The following GRK7 variants were observed in gnomAD, a reference collection of about 807,000 sequenced individuals.
GRK7 encodes G protein-coupled receptor kinase 7, also known as rhodopsin kinase GRK7.
In GRK7, 24 loss-of-function variants were observed where a neutral mutation model predicts 34.1. The ratio of observed to expected loss-of-function variants is 0.70; its 90% CI spans 0.51 to 0.99. GRK7 has a LOEUF of 0.99. Among genes scored for constraint, GRK7 ranks in the 50% least tolerant of loss-of-function variants. GRK7 has a pLI of 0.00. For synonymous variants in GRK7, 256 were observed against 279.4 expected, an observed-to-expected ratio of 0.92 and a Z score of 0.84; for missense variants, 644 against 707.3, an observed-to-expected ratio of 0.91 and a Z score of 1.02.
At chr3:141,804,504 G>T in intron 4 of GRK7, among the ~76,000 whole-genome samples, 1 of 151,908 alleles carries the variant, frequency 6.6e-6, no homozygotes, top group East Asian at 1.9e-4. Flanking sequence ...TATTCAGCCA[G>T]CTGTGGCTCT....
chr3:141,773,248 T>G (rs2084624435), intron 1 of GRK7, among the ~76,000 whole-genome samples: 1 of 152,096 alleles, frequency 6.6e-6, no homozygotes, highest in Non-Finnish European at 1.5e-5. Context: ...AATTGTTGAG[T>G]TACAATAGTG....
chr3:141,805,513 C>T (rs887929814), intron 4 of GRK7, among the ~76,000 whole-genome samples: 1 of 152,096 alleles, frequency 6.6e-6, no homozygotes, highest in Admixed American at 6.6e-5. Flanking sequence ...AGATGTAAAC[C>T]GGGACTGTCC....
intron 2 of GRK7, among the ~76,000 whole-genome samples, chr3:141,776,561 T>C (rs940782939): frequency 1.4e-4 from 22 of 152,148 alleles, no homozygotes; most frequent in Non-Finnish European, 2.9e-4. Flanking sequence ...CGGGCACCGG[T>C]GCAGATCGCC....
Position 141,780,768 on chromosome 3 carries a change from G to T in GRK7, c.1007G>T (p.Gly336Val). 1 of 1,614,162 alleles carries T rather than the reference G, an allele frequency of 6.2e-7. No homozygotes were observed. The highest frequency in any genetic ancestry group is 8.5e-7 in the Non-Finnish European group (1 of 1,180,032). Reference sequence around the variant, plus strand: ...GGCAACTGCAGGTTATCTGACCTGGGGCTGGCCGTGGAGATGAAGGGTGGC... The same window carrying T: ...GGCAACTGCAGGTTATCTGACCTGGTGCTGGCCGTGGAGATGAAGGGTGGC... ...DLGNCRLSDL[G>V]LAVEMKGGKP... Residue 336 changes from glycine (G) to valine (V), a missense_variant, in exon 4 of 6, where the codon GGG (glycine) becomes GTG (valine). By Grantham distance (109) the Gly-to-Val change is moderately radical (BLOSUM62 -3). Coordinates refer to ENST00000682958, the MANE Select transcript of GRK7 (RefSeq NM_139209.3).
At chr3:141,795,269 C>T (rs1465974010) in intron 4 of GRK7, among the ~76,000 whole-genome samples, 3 of 152,130 alleles carry the variant, frequency 2.0e-5, no homozygotes, top group Non-Finnish European at 4.4e-5. Flanking sequence ...TGTCTGGAGA[C>T]AGTTTTGGTT....
chr3:141,752,551 C>T, the GRK7 span, among the ~76,000 whole-genome samples: 1 of 152,168 alleles, frequency 6.6e-6, no homozygotes, highest in Non-Finnish European at 1.5e-5. Context: ...AGTTAGAATT[C>T]CCTACTAGAA....
At chr3:141,754,961 T>C in the GRK7 span, among the ~76,000 whole-genome samples, 1 of 152,190 alleles carries the variant, frequency 6.6e-6, no homozygotes, top group South Asian at 2.1e-4. Context: ...GACACAAATT[T>C]GGATAGTCCT....
chr3:141,788,181 C>T (rs374403769), intron 4 of GRK7, among the ~76,000 whole-genome samples: 2 of 152,266 alleles, frequency 1.3e-5, no homozygotes, highest in African/African-American at 4.8e-5. Context: ...GGCCCTTTCT[C>T]GCCACTGAAG....
At position 141,778,245 on chromosome 3, in the gene GRK7, C is replaced by T. The variant is rs759986205; in HGVS notation, c.-40C>T. On this transcript the variant is annotated 5_prime_UTR_variant, in exon 3 of 6. Coordinates refer to ENST00000682958, the MANE Select transcript of GRK7 (RefSeq NM_139209.3). This position sits in a 1 kb window ranked among gnomAD's most constrained non-coding sequence, Gnocchi z 4.1. ...GGAAAGCAGCCAGCAGCCCTCCAGCCCTCTTGTGCTTTCCCTGGGAGTGCG... is the reference window on the plus strand; with the variant it reads ...GGAAAGCAGCCAGCAGCCCTCCAGCTCTCTTGTGCTTTCCCTGGGAGTGCG... 1 of 1,522,494 alleles carries T rather than the reference C, an allele frequency of 6.6e-7. No individual in the cohort carries two copies. Among genetic ancestry groups the T allele is most frequent in the East Asian group, 2.3e-5 (1 of 44,038 alleles). The allele number at this position is 1,522,494 out of a possible 1,614,324, so 94.3% of individuals were successfully genotyped here.
At chr3:141,766,111 A>G (rs576726420) in intron 1 of GRK7, among the ~76,000 whole-genome samples, 1 of 151,858 alleles carries the variant, frequency 6.6e-6, no homozygotes, top group African/African-American at 2.4e-5. Flanking sequence ...ATTCTTTAAC[A>G]TAACTCCCTC....
rs1452183842 is a variant in GRK7, at chr3:141,818,473, C to T, written c.*1423C>T. On this transcript the variant is annotated 3_prime_UTR_variant, in exon 6 of 6. Coordinates refer to ENST00000682958, the MANE Select transcript of GRK7 (RefSeq NM_139209.3). ...TCCAGGCTGGGCAGCAAGAGCAAGA[C>T]TCTATCTCAAAAAAAAACAAAACAA... is the stretch of plus-strand genomic sequence containing the variant. 6.6e-6 allele frequency: 1 copy of T among 151,628 alleles called. No individual in the cohort carries two copies. Among genetic ancestry groups the T allele is most frequent in the East Asian group, 1.9e-4 (1 of 5,214 alleles). 9.4% of individuals were successfully genotyped at this position (151,628 alleles called of 1,614,324 possible).
the GRK7 span, among the ~76,000 whole-genome samples, chr3:141,756,676 AAAAG>A: frequency 1.7e-4 from 26 of 152,328 alleles, no homozygotes; most frequent in African/African-American, 4.8e-4. Context: ...TTTTTTTTAA[AAAAG>A]AAAGAGATGG....
In GRK7 at chr3:141,778,226, C is replaced by A; in HGVS notation, c.-59C>A. ...CGTTGTCTCACCCGGGAAGGGAAAG[C>A]AGCCAGCAGCCCTCCAGCCCTCTTG... On this transcript the variant is annotated 5_prime_UTR_variant, in exon 3 of 6. Transcript: ENST00000682958. The surrounding 1 kb of genome is among the most constrained non-coding windows in gnomAD (Gnocchi z 4.1). The A allele has an allele frequency of 6.6e-7, 1 of 1,513,648 alleles. No homozygotes were observed. Among genetic ancestry groups the A allele is most frequent in the Non-Finnish European group, 8.8e-7 (1 of 1,131,804 alleles). 93.8% of individuals were successfully genotyped at this position (1,513,648 alleles called of 1,614,324 possible).
the GRK7 span, among the ~76,000 whole-genome samples, chr3:141,754,735 A>G: frequency 6.6e-6 from 1 of 152,228 alleles, no homozygotes. Context: ...GAATGACTCA[A>G]CATAGATTAT....
At chr3:141,796,296 A>G (rs544683704) in intron 4 of GRK7, among the ~76,000 whole-genome samples, 1 of 152,316 alleles carries the variant, frequency 6.6e-6, no homozygotes, top group South Asian at 2.1e-4. Context: ...GATCTTACAC[A>G]AGTCAGACTG....
chr3:141,752,988 C>A, the GRK7 span, among the ~76,000 whole-genome samples: 3 of 152,182 alleles, frequency 2.0e-5, no homozygotes, highest in African/African-American at 7.2e-5. Context: ...GCCAGCCTCC[C>A]AAATTGTGAG....
intron 4 of GRK7, among the ~76,000 whole-genome samples, chr3:141,785,464 A>T (rs1467202): frequency 0.33 from 50,395 of 151,772 alleles, 12,152 homozygotes; most frequent in African/African-American, 0.69. Flanking sequence ...CTTAAAAAAA[A>T]TTTTTTTGTT....
At chr3:141,750,434 A>G in the GRK7 span, among the ~76,000 whole-genome samples, 1 of 152,252 alleles carries the variant, frequency 6.6e-6, no homozygotes, top group Non-Finnish European at 1.5e-5. Context: ...TAGCTGTGTG[A>G]TCTTGCACAA....
rs554482696 is a variant in GRK7 at position 141,778,525 on chromosome 3, C to A, written c.241C>A (p.Arg81Ser). The A allele has an allele frequency of 6.2e-7, 1 of 1,613,384 alleles. No individual in the cohort carries two copies. The highest frequency in any genetic ancestry group is 1.3e-5 in the African/African-American group (1 of 75,074). ...CTTCCTAGCCACAGTGCCCACGTTC[C>A]GCAAGGCGGCAACCTTCCTAGAGGA... Reference protein sequence around the residue: ...RDFLATVPTFRKAATFLEDVQ... With the variant: ...RDFLATVPTFSKAATFLEDVQ... The change falls in exon 3 of 6, where the codon CGC (arginine) becomes AGC (serine). Residue 81 changes from arginine (R) to serine (S), a missense_variant. By Grantham distance (110) the Arg-to-Ser change is moderately radical. Coordinates refer to ENST00000682958, the MANE Select transcript of GRK7 (RefSeq NM_139209.3). This position sits in a 1 kb window ranked among gnomAD's most constrained non-coding sequence, Gnocchi z 4.1.
Sources: gnomAD v4.1 joint callset for allele counts (sites outside exome capture counted in the v4.1 genomes callset) on GRCh38, gnomAD v4.1.1 for gene constraint, Gnocchi (gnomAD v3.1) non-coding constraint, MANE v1.5 for transcripts, NCBI Gene and HGNC (gene_info 2026-07-23, HGNC 2026-07-21) for gene names.